CNBD1: variants seen among roughly 807,000 people sequenced by gnomAD.
The protein encoded by CNBD1 is cyclic nucleotide binding domain containing 1.
A neutral mutation model predicts 54.4 loss-of-function variants in CNBD1; 71 were observed. The observed-to-expected ratio is 1.30, with a 90% confidence interval of 1.08 to 1.59. The LOEUF is 1.59. Among genes scored for constraint, CNBD1 ranks in the 40% most tolerant of loss-of-function variants. CNBD1 has a pLI of 0.00. For synonymous variants in CNBD1, 182 were observed against 170.7 expected (o/e 1.07, Z -0.51); for missense variants, 659 against 518.0 (o/e 1.27, Z -2.64).
intron 1 of CNBD1, among the ~76,000 whole-genome samples, chr8:86,879,984 A>T (rs1345383795): frequency 2.0e-5 from 3 of 152,238 alleles, no homozygotes; most frequent in Non-Finnish European, 4.4e-5. Context: ...TGTATTACAT[A>T]CAAAGGGATT....
At chr8:87,393,038 A>G (rs1020087141) in intron 2 of CNBD1, among the ~76,000 whole-genome samples, 1 of 151,914 alleles carries the variant, frequency 6.6e-6, no homozygotes, top group African/African-American at 2.4e-5. Context: ...GGACTGTGTG[A>G]TGACTCCTAA....
intron 2 of CNBD1, among the ~76,000 whole-genome samples, chr8:87,391,223 C>T (rs1586074207): frequency 6.6e-6 from 1 of 151,734 alleles, no homozygotes; most frequent in African/African-American, 2.4e-5. Context: ...CACATGTACC[C>T]TAAAACTTAA....
chr8:86,935,511 A>T (rs1291298669), intron 3 of CNBD1, among the ~76,000 whole-genome samples: 1 of 152,048 alleles, frequency 6.6e-6, no homozygotes, highest in Non-Finnish European at 1.5e-5. Flanking sequence ...GTTCATCTAA[A>T]TTTTCAAATT....
At chr8:86,914,933 A>G (rs1221049091) in intron 3 of CNBD1, among the ~76,000 whole-genome samples, 3 of 152,314 alleles carry the variant, frequency 2.0e-5, no homozygotes, top group South Asian at 4.1e-4. Context: ...TAACCGCCCA[A>G]TGGGTTCTTC....
intron 4 of CNBD1, among the ~76,000 whole-genome samples, chr8:87,088,061 A>G (rs1482924408): frequency 1.3e-5 from 2 of 152,212 alleles, no homozygotes; most frequent in African/African-American, 4.8e-5. Flanking sequence ...GCAGTAATAC[A>G]TTGATGGCAA....
chr8:86,995,570 A>G (rs1454150472), intron 4 of CNBD1, among the ~76,000 whole-genome samples: 1 of 152,188 alleles, frequency 6.6e-6, no homozygotes, highest in Non-Finnish European at 1.5e-5. Flanking sequence ...TTTAGTAAAA[A>G]GAAAAATAAG....
At position 87,314,999 on chromosome 8, in the gene CNBD1, G is replaced by T. The variant is rs187543176; in HGVS notation, c.1042+28328G>T. 3.7e-4 allele frequency among the ~76,000 whole-genome samples: 57 copies of T among 152,120 alleles called. 2 individuals carry two copies. The highest frequency in any genetic ancestry group is 3.5e-3 in the Admixed American group (54 of 15,250). On this transcript the variant is annotated intron_variant, in intron 8 of 10. Transcript: ENST00000518476. ...AAAATAGTAGTAGGATTTTTTGGTTGTTATATTGATTCTAATGTCTACACG... is the reference window on the plus strand; with the variant it reads ...AAAATAGTAGTAGGATTTTTTGGTTTTTATATTGATTCTAATGTCTACACG...
At chr8:87,302,454 ACT>A (rs199970533) in intron 8 of CNBD1, among the ~76,000 whole-genome samples, 55,253 of 150,398 alleles carry the variant, frequency 0.37, 10,317 homozygotes, top group Middle Eastern at 0.44. Flanking sequence ...CATGCTAAAA[ACT>A]CTCAATAAAT....
chr8:87,030,952 C>G (rs1463775459), intron 4 of CNBD1, among the ~76,000 whole-genome samples: 4 of 125,086 alleles, frequency 3.2e-5, no homozygotes, highest in Admixed American at 8.3e-5. Flanking sequence ...TCCTCCCCCT[C>G]TTCCTCTCCC....
intron 2 of CNBD1, among the ~76,000 whole-genome samples, chr8:87,398,747 G>T (rs1811450528): frequency 6.6e-6 from 1 of 151,920 alleles, no homozygotes; most frequent in African/African-American, 2.4e-5. Context: ...CCCATGCTCA[G>T]TACATTAGGA....
At position 87,237,033 on chromosome 8, in the gene CNBD1, G is replaced by A. The variant is rs1041556655; in HGVS notation, c.692G>A (p.Ser231Asn). 12 of 1,612,150 alleles carry A rather than the reference G, an allele frequency of 7.4e-6. No individual in the cohort carries two copies. The highest frequency in any genetic ancestry group is 6.8e-6 in the Non-Finnish European group (8 of 1,178,626). ...SDSPDSFISQ[S>N]FHSFIWSEEF... is the part of the protein sequence containing the mutation. Reference sequence around the variant, plus strand: ...TCACCAGACTCGTTCATATCTCAGAGTTTCCACAGCTTCATTTGGAGTGAA... The same window carrying A: ...TCACCAGACTCGTTCATATCTCAGAATTTCCACAGCTTCATTTGGAGTGAA... The change falls in exon 6 of 11, where the codon AGT (serine) becomes AAT (asparagine). Residue 231 changes from serine (S) to asparagine (N), a missense_variant. Transcript: ENST00000518476.
intron 8 of CNBD1, among the ~76,000 whole-genome samples, chr8:87,327,598 A>G (rs1447491322): frequency 6.6e-6 from 1 of 152,126 alleles, no homozygotes; most frequent in African/African-American, 2.4e-5. Flanking sequence ...TTTTTGACTC[A>G]GAAAGGGAAC....
chr8:87,064,300 G>C (rs1262662069), intron 4 of CNBD1, among the ~76,000 whole-genome samples: 1 of 151,540 alleles, frequency 6.6e-6, no homozygotes, highest in East Asian at 1.9e-4. Flanking sequence ...CTTCCATCTT[G>C]TTATCTTTTG....
chr8:87,386,182 T>A (rs909893224), downstream of CNBD1, among the ~76,000 whole-genome samples: 47 of 151,876 alleles, frequency 3.1e-4, no homozygotes, highest in African/African-American at 1.1e-3. Flanking sequence ...GCAAAAAAAC[T>A]GGAAACTCTA....
chr8:86,957,619 A>T (rs1433753030), intron 4 of CNBD1, among the ~76,000 whole-genome samples: 1 of 152,082 alleles, frequency 6.6e-6, no homozygotes, highest in Non-Finnish European at 1.5e-5. Flanking sequence ...ATTTGCATGG[A>T]GGTGTTTATA....
At chr8:87,240,087 C>T (rs1346293960) in intron 6 of CNBD1, among the ~76,000 whole-genome samples, 1 of 151,556 alleles carries the variant, frequency 6.6e-6, no homozygotes, top group African/African-American at 2.4e-5. Context: ...CACACACACA[C>T]ACACACACAC....
chr8:87,321,450 T>A lies in CNBD1; in HGVS notation c.1043-30235T>A, dbSNP rs181795925. Among the ~76,000 whole-genome samples, 12 of 152,306 alleles carry A rather than the reference T, an allele frequency of 7.9e-5. No individual in the cohort carries two copies. In the East Asian group the frequency reaches 2.3e-3, roughly 29 times the overall value. On this transcript the variant is annotated intron_variant, in intron 8 of 10. Coordinates refer to ENST00000518476, the MANE Select transcript of CNBD1 (RefSeq NM_173538.3). ...TTTGTGTTTGTGTAATAATTAGTGA[T>A]ACTGAACATCTTTTCTTATACCTGT...
intron 6 of CNBD1, among the ~76,000 whole-genome samples, chr8:87,264,904 T>C (rs1808216857): frequency 6.6e-6 from 1 of 152,086 alleles, no homozygotes; most frequent in Non-Finnish European, 1.5e-5. Flanking sequence ...ATATTAGCCC[T>C]TTGTCAGATG....
intron 5 of CNBD1, among the ~76,000 whole-genome samples, chr8:87,224,201 A>G (rs1303248380): frequency 2.6e-5 from 4 of 151,104 alleles, no homozygotes; most frequent in African/African-American, 7.3e-5. Context: ...TTGCCTGTTC[A>G]CTCTGATGGT....
Sources: gnomAD v4.1 joint callset for allele counts (sites outside exome capture counted in the v4.1 genomes callset) on GRCh38, gnomAD v4.1.1 for gene constraint, MANE v1.5 for transcripts, NCBI Gene and HGNC (gene_info 2026-07-23, HGNC 2026-07-21) for gene names.